The following FARS2 variants were observed in gnomAD, a reference collection of about 807,000 sequenced individuals.
FARS2 encodes phenylalanyl-tRNA synthetase 2, mitochondrial, also known as phenylalanine--tRNA ligase, mitochondrial.
FARS2 carries 40 observed loss-of-function variants against 46.4 expected under a neutral mutation model. That is an observed-to-expected ratio of 0.86 (90% confidence interval 0.67 to 1.12). FARS2 has a LOEUF of 1.12. Among genes scored for constraint, FARS2 ranks in the 50% most tolerant of loss-of-function variants. FARS2 has a pLI of 0.00. For synonymous variants in FARS2, 234 were observed against 214.9 expected, an observed-to-expected ratio of 1.09 and a Z score of -0.78; for missense variants, 513 against 567.9, an observed-to-expected ratio of 0.90 and a Z score of 0.98.
chr6:5,675,209 CACACACACACA>C, intron 6 of FARS2, among the ~76,000 whole-genome samples: 1 of 98,006 alleles, frequency 1.0e-5, no homozygotes, highest in South Asian at 3.6e-4. Context: ...GACACACACA[CACACACACACA>C]CACACACACA....
rs1052868892 is a variant in FARS2 at position 5,765,229 on chromosome 6, A to G, written c.1218-6062A>G. Among the ~76,000 whole-genome samples, 4 of 152,172 alleles carry G rather than the reference A, an allele frequency of 2.6e-5. No individual in the cohort carries two copies. The highest frequency in any genetic ancestry group is 9.7e-5 in the African/African-American group (4 of 41,432). On this transcript the variant is annotated intron_variant, in intron 6 of 6. Transcript: ENST00000274680. The surrounding 1 kb of genome is among the most constrained non-coding windows in gnomAD (Gnocchi z 4.0). ...CCTCTGGCCCTGGCTCTCGGCTTCC[A>G]CACAAGCAGCTACTCTTGTACAGGA...
intron 1 of FARS2, among the ~76,000 whole-genome samples, chr6:5,357,844 T>C (rs1255773797): frequency 6.6e-6 from 1 of 152,192 alleles, no homozygotes; most frequent in East Asian, 1.9e-4. Flanking sequence ...TTGTCTTTCA[T>C]AGTGGTGTTA....
intron 5 of FARS2, among the ~76,000 whole-genome samples, chr6:5,578,043 C>A (rs555471121): frequency 1.3e-5 from 2 of 152,068 alleles, no homozygotes; most frequent in African/African-American, 4.8e-5. Flanking sequence ...CCTCGTGATC[C>A]GCCCATCTCG....
intron 4 of FARS2, among the ~76,000 whole-genome samples, chr6:5,472,614 G>A (rs1765868191): frequency 6.6e-6 from 1 of 152,116 alleles, no homozygotes; most frequent in South Asian, 2.1e-4. Flanking sequence ...ATAGAAGCAT[G>A]ACTGATTAAA....
intron 1 of FARS2, chr6:5,272,588 T>G (rs1052034249): frequency 3.3e-5 from 5 of 152,224 alleles, no homozygotes; most frequent in Middle Eastern, 3.2e-3. Flanking sequence ...CTTTAATACA[T>G]TCATATAATT....
chr6:5,284,799 CT>C (rs1381631901), intron 1 of FARS2, among the ~76,000 whole-genome samples: 3 of 152,200 alleles, frequency 2.0e-5, no homozygotes, highest in Admixed American at 2.0e-4. Flanking sequence ...CTTGGTGGGT[CT>C]TCCTCCTCTC....
intron 6 of FARS2, among the ~76,000 whole-genome samples, chr6:5,768,852 T>C (rs950808340): frequency 2.6e-5 from 4 of 152,192 alleles, no homozygotes; most frequent in Admixed American, 6.5e-5. Context: ...GTTGTAAGAG[T>C]TCTTTGTATA....
intron 1 of FARS2, among the ~76,000 whole-genome samples, chr6:5,328,053 G>A (rs112440193): frequency 6.6e-6 from 1 of 152,304 alleles, no homozygotes; most frequent in African/African-American, 2.4e-5. Context: ...AACAGTAAAA[G>A]AGTACCTGCA....
At chr6:5,482,071 A>C (rs1766495370) in intron 4 of FARS2, among the ~76,000 whole-genome samples, 1 of 152,134 alleles carries the variant, frequency 6.6e-6, no homozygotes, top group Admixed American at 6.5e-5. Flanking sequence ...CTTTCTTAGA[A>C]ACCTCAGGTT....
rs546774314 is a variant in FARS2 at position 5,463,031 on chromosome 6, A to G, written c.904+31859A>G. The stretch of plus-strand genomic sequence containing the variant: ...TCTGCCACAGCTATTCAACTCGGCT[A>G]TTGTGGTGAGAAAGTAGTGTGGACA... On this transcript the variant is annotated intron_variant, in intron 4 of 6. Transcript: ENST00000274680. Among the ~76,000 whole-genome samples the G allele has an allele frequency of 2.6e-5, 4 of 152,304 alleles. No individual in the cohort carries two copies. In the South Asian group the frequency reaches 8.3e-4, roughly 32 times the overall value.
chr6:5,357,984 CA>C (rs1248649760), intron 1 of FARS2, among the ~76,000 whole-genome samples: 1 of 152,154 alleles, frequency 6.6e-6, no homozygotes, highest in Non-Finnish European at 1.5e-5. Flanking sequence ...TAAAGACTGA[CA>C]AAACCTTTGT....
chr6:5,347,498 A>G (rs770857129), intron 1 of FARS2, among the ~76,000 whole-genome samples: 1 of 152,114 alleles, frequency 6.6e-6, no homozygotes, highest in African/African-American at 2.4e-5. Context: ...TTGTGTGTAT[A>G]GTAGTTTGTG....
At chr6:5,454,469 C>T (rs932858504) in intron 4 of FARS2, among the ~76,000 whole-genome samples, 22 of 151,916 alleles carry the variant, frequency 1.4e-4, no homozygotes, top group Non-Finnish European at 7.4e-5. Context: ...AGCCTCCCCC[C>T]GAGTAGCTGG....
chr6:5,303,836 G>A (rs868734825), intron 1 of FARS2, among the ~76,000 whole-genome samples: 10 of 151,998 alleles, frequency 6.6e-5, no homozygotes, highest in African/African-American at 2.2e-4. Context: ...TCTCTGCCTC[G>A]GGATGCTCGT....
In FARS2 at chr6:5,701,902, C is replaced by T. The variant is rs1758463691; in HGVS notation, c.1218-69389C>T. 5.3e-5 allele frequency among the ~76,000 whole-genome samples: 8 copies of T among 152,142 alleles called. No homozygotes were observed. In the South Asian group the frequency reaches 1.5e-3, roughly 28 times the overall value. On this transcript the variant is annotated intron_variant, in intron 6 of 6. Transcript: ENST00000274680. ...CATTACTCATTTTTATTAACATATACGGTAAATATTAAAATAGATCTCGGC... is the reference window on the plus strand; with the variant it reads ...CATTACTCATTTTTATTAACATATATGGTAAATATTAAAATAGATCTCGGC...
chr6:5,335,897 T>TA (rs1241693645), intron 1 of FARS2, among the ~76,000 whole-genome samples: 1 of 152,210 alleles, frequency 6.6e-6, no homozygotes, highest in Non-Finnish European at 1.5e-5. Flanking sequence ...ACCTGTGCTT[T>TA]TAATTCCGTT....
chr6:5,701,763 A>G (rs1758449745), intron 6 of FARS2, among the ~76,000 whole-genome samples: 1 of 152,272 alleles, frequency 6.6e-6, no homozygotes, highest in Admixed American at 6.5e-5. Flanking sequence ...AGATAATGTT[A>G]GTAAATAAAA....
chr6:5,346,749 ATTC>A (rs1199325010), intron 1 of FARS2, among the ~76,000 whole-genome samples: 2 of 150,800 alleles, frequency 1.3e-5, no homozygotes, highest in Admixed American at 1.3e-4. Flanking sequence ...TCCTCCAACA[ATTC>A]TTTTTTTTTT....
At chr6:5,553,795 G>A (rs896631034) in intron 5 of FARS2, among the ~76,000 whole-genome samples, 2 of 152,056 alleles carry the variant, frequency 1.3e-5, no homozygotes, top group African/African-American at 2.4e-5. Context: ...GGGGTGCCTG[G>A]GATTCTGCAT....
Sources: allele counts gnomAD v4.1 joint callset (sites outside exome capture counted in the v4.1 genomes callset), GRCh38; gene constraint gnomAD v4.1.1; non-coding constraint Gnocchi (gnomAD v3.1); transcripts MANE v1.5; gene names NCBI Gene and HGNC (gene_info 2026-07-23, HGNC 2026-07-21).